The following TXNL1 variants were observed in gnomAD, a reference collection of about 807,000 sequenced individuals.
The protein encoded by TXNL1 is thioredoxin-like protein 1.
In TXNL1, 14 loss-of-function variants were observed where a neutral mutation model predicts 35.5. The observed-to-expected ratio is 0.39, with a 90% CI of 0.26 to 0.62. The LOEUF (loss-of-function observed/expected upper bound fraction) is 0.62, where lower values mean the gene tolerates loss of function less well. Ranked by LOEUF, TXNL1 falls within the 20% of genes least tolerant of loss-of-function variation. The probability of loss-of-function intolerance (pLI) is 0.47; values close to 1 mark genes in which losing one functional copy is unlikely to be tolerated. For synonymous variants in TXNL1, 110 were observed against 115.5 expected (o/e 0.95, Z 0.31); for missense variants, 263 against 349.7 (o/e 0.75, Z 1.98).
chr18:56,623,252 A>C (rs1390878453), intron 3 of TXNL1, among the ~76,000 whole-genome samples: 1 of 152,116 alleles, frequency 6.6e-6, no homozygotes, highest in Non-Finnish European at 1.5e-5. Flanking sequence ...ACATGGTGAA[A>C]CCTCGTCTCT....
At chr18:56,629,137 C>T (rs1038717851) in intron 1 of TXNL1, among the ~76,000 whole-genome samples, 5 of 152,160 alleles carry the variant, frequency 3.3e-5, no homozygotes, top group Admixed American at 3.3e-4. Flanking sequence ...CTCTATTTCA[C>T]AATAACATGT....
At chr18:56,626,545 T>G in intron 1 of TXNL1, 88 bp from the exon 2 acceptor site, 1 of 1,125,536 alleles carries the variant, frequency 8.9e-7, no homozygotes, top group Non-Finnish European at 1.3e-6. Flanking sequence ...GAACAAACAC[T>G]GATACTGCTG....
intron 4 of TXNL1, among the ~76,000 whole-genome samples, chr18:56,616,619 A>C (rs1388451633): frequency 6.6e-6 from 1 of 152,192 alleles, no homozygotes; most frequent in African/African-American, 2.4e-5. Context: ...CTTTCTAACA[A>C]ATCAAACAAA....
chr18:56,606,696 A>G (rs1030240470), intron 7 of TXNL1, among the ~76,000 whole-genome samples: 23 of 152,240 alleles, frequency 1.5e-4, no homozygotes, highest in African/African-American at 5.5e-4. Context: ...TCTGTGGACA[A>G]AGAAACCCTT....
chr18:56,604,094 C>T (rs921219162), intron 7 of TXNL1, among the ~76,000 whole-genome samples: 4 of 152,046 alleles, frequency 2.6e-5, no homozygotes, highest in African/African-American at 9.7e-5. Context: ...TTTTCCCACC[C>T]TAAGAAAACT....
chr18:56,622,854 G>A (rs1315496573), intron 3 of TXNL1, among the ~76,000 whole-genome samples: 2 of 152,106 alleles, frequency 1.3e-5, no homozygotes, highest in Admixed American at 6.5e-5. Flanking sequence ...TGACATAAAC[G>A]ATATGTTGAT....
chr18:56,597,358 G>T lies in TXNL1; in HGVS notation c.*5669C>A, dbSNP rs1568094801. The T allele has an allele frequency of 6.6e-6, 1 of 152,086 alleles. No homozygotes were observed. The highest frequency in any genetic ancestry group is 1.5e-5 in the Non-Finnish European group (1 of 68,020). The allele number at this position is 152,086 out of a possible 1,614,324, so 9.4% of individuals were successfully genotyped here. On this transcript the variant is annotated 3_prime_UTR_variant, in exon 8 of 8. Transcript: ENST00000217515. Reference sequence around the variant, plus strand: ...AAGCATCTACATTTCTTTGCCAGAGGGTTTTGGAATAATTATCTGCTGATG... The same window carrying T: ...AAGCATCTACATTTCTTTGCCAGAGTGTTTTGGAATAATTATCTGCTGATG...
chr18:56,607,667 C>T (rs894863749), intron 7 of TXNL1, among the ~76,000 whole-genome samples: 5 of 152,008 alleles, frequency 3.3e-5, no homozygotes, highest in Non-Finnish European at 7.4e-5. Context: ...ACCAGCCTGG[C>T]CAACATGGTG....
At chr18:56,623,212 G>A (rs1428575186) in intron 3 of TXNL1, among the ~76,000 whole-genome samples, 2 of 152,210 alleles carry the variant, frequency 1.3e-5, no homozygotes, top group African/African-American at 2.4e-5. Flanking sequence ...TGGATCACCT[G>A]AGGTCAGGAG....
Position 56,597,910 on chromosome 18 carries a change from G to A in TXNL1, c.*5117C>T, listed in dbSNP as rs928889495. 4.6e-5 allele frequency: 7 copies of A among 152,206 alleles called. No individual in the cohort carries two copies. The highest frequency in any genetic ancestry group is 4.6e-4 in the Admixed American group (7 of 15,282). 9.4% of individuals were successfully genotyped at this position (152,206 alleles called of 1,614,324 possible). A position where few individuals can be genotyped will look rare whatever the true frequency, so the allele number is the denominator to read the frequency against. On this transcript the variant is annotated 3_prime_UTR_variant, in exon 8 of 8. Coordinates refer to ENST00000217515, the MANE Select transcript of TXNL1 (RefSeq NM_004786.3). ...TACTTCTATATTCAATTGTAAAAGTGAGAACCTTGTGAGACATCACAGACT... is the reference window on the plus strand; with the variant it reads ...TACTTCTATATTCAATTGTAAAAGTAAGAACCTTGTGAGACATCACAGACT...
At chr18:56,626,626 G>C (rs1568107274) in intron 1 of TXNL1, among the ~76,000 whole-genome samples, 169 bp from the exon 2 acceptor site, 1 of 151,388 alleles carries the variant, frequency 6.6e-6, no homozygotes, top group Non-Finnish European at 1.5e-5. Context: ...CTGTCGGCCA[G>C]AGTGGTACTC....
intron 3 of TXNL1, among the ~76,000 whole-genome samples, chr18:56,621,905 C>G (rs1432058283): frequency 5.4e-5 from 8 of 148,120 alleles, no homozygotes; most frequent in African/African-American, 2.0e-4. Context: ...GAGCCCGAGG[C>G]AGAACTGCTT....
intron 7 of TXNL1, among the ~76,000 whole-genome samples, chr18:56,606,891 GAA>G (rs919211987): frequency 6.6e-6 from 1 of 152,220 alleles, no homozygotes; most frequent in African/African-American, 2.4e-5. Context: ...GACAGTGAGA[GAA>G]AGAGCAAGCA....
rs2023802660 is a variant in TXNL1, at chr18:56,600,919, C to T, written c.*2108G>A. On this transcript the variant is annotated 3_prime_UTR_variant, in exon 8 of 8. Coordinates refer to ENST00000217515, the MANE Select transcript of TXNL1 (RefSeq NM_004786.3). ...CACTGTTGTTTCTCATCAAAAGCAC[C>T]TGATGTCAATGTATCAAAATACAGA... 1 of 152,192 alleles carries T rather than the reference C, an allele frequency of 6.6e-6. No individual in the cohort carries two copies. The highest frequency in any genetic ancestry group is 2.4e-5 in the African/African-American group (1 of 41,442). The allele number at this position is 152,192 out of a possible 1,614,324, so 9.4% of individuals were successfully genotyped here. A position where few individuals can be genotyped will look rare whatever the true frequency, so the allele number is the denominator to read the frequency against.
intron 6 of TXNL1, among the ~76,000 whole-genome samples, chr18:56,611,885 G>C (rs1233924910): frequency 7.1e-6 from 1 of 140,600 alleles, no homozygotes; most frequent in Non-Finnish European, 1.5e-5. Context: ...GTCTTGCTCT[G>C]TTGCCCAGGC....
chr18:56,602,849 A>G lies in TXNL1; in HGVS notation c.*178T>C. ...AAGCTTGGCAAAAGTGGTGACTTTT[A>G]TTTACAATTGCATGTGTCAAGATTA... On this transcript the variant is annotated 3_prime_UTR_variant, in exon 8 of 8. Coordinates refer to ENST00000217515, the MANE Select transcript of TXNL1 (RefSeq NM_004786.3). The G allele has an allele frequency of 2.8e-6, 2 of 706,650 alleles. No individual in the cohort carries two copies. Among genetic ancestry groups the G allele is most frequent in the South Asian group, 3.6e-5 (2 of 56,240 alleles). The allele number at this position is 706,650 out of a possible 1,614,324, so 43.8% of individuals were successfully genotyped here.
At chr18:56,617,812 C>G (rs1014507662) in intron 4 of TXNL1, among the ~76,000 whole-genome samples, 192 bp downstream of exon 4, 1 of 151,930 alleles carries the variant, frequency 6.6e-6, no homozygotes, top group Admixed American at 6.6e-5. Flanking sequence ...ACCTGGCAGC[C>G]CACATACAAG....
At chr18:56,630,601 A>G (rs186680710) in intron 1 of TXNL1, among the ~76,000 whole-genome samples, 41 of 152,218 alleles carry the variant, frequency 2.7e-4, no homozygotes, top group Non-Finnish European at 1.5e-4. Context: ...TACAACTTCC[A>G]TATCACATTG....
At chr18:56,619,746 GCTTGT>G (rs1026652138) in intron 3 of TXNL1, among the ~76,000 whole-genome samples, 55 of 152,052 alleles carry the variant, frequency 3.6e-4, no homozygotes, top group African/African-American at 1.2e-3. Context: ...GGTTGGTCAT[GCTTGT>G]CTTATTTCTG....
Sources: gnomAD v4.1 joint callset for allele counts (sites outside exome capture counted in the v4.1 genomes callset) on GRCh38, gnomAD v4.1.1 for gene constraint, MANE v1.5 for transcripts, NCBI Gene and HGNC (gene_info 2026-07-23, HGNC 2026-07-21) for gene names.